The following ADAM32 variants were observed in gnomAD, a reference collection of about 807,000 sequenced individuals.
The protein encoded by ADAM32 is disintegrin and metalloproteinase domain-containing protein 32.
Under a neutral mutation model 114.9 loss-of-function variants are expected in ADAM32, and 89 were observed. That is an observed-to-expected ratio of 0.77 (90% confidence interval 0.65 to 0.92). ADAM32 has a LOEUF of 0.92. ADAM32 is among the 40% of genes least tolerant of loss of function. The pLI, the probability that ADAM32 is intolerant of heterozygous loss-of-function variation, is 0.00. For synonymous variants in ADAM32, 285 were observed against 307.5 expected, an observed-to-expected ratio of 0.93 and a Z score of 0.77; for missense variants, 870 against 932.8, an observed-to-expected ratio of 0.93 and a Z score of 0.88.
At chr8:39,204,880 G>C (rs556749183) in intron 11 of ADAM32, among the ~76,000 whole-genome samples, 46 of 152,344 alleles carry the variant, frequency 3.0e-4, no homozygotes, top group African/African-American at 1.1e-3. Flanking sequence ...GTTGGAGTTT[G>C]CTGGAGGTCC....
At chr8:39,222,079 A>T (rs1476022445) in intron 13 of ADAM32, among the ~76,000 whole-genome samples, 1 of 152,058 alleles carries the variant, frequency 6.6e-6, no homozygotes, top group African/African-American at 2.4e-5. Flanking sequence ...GATATAGCAG[A>T]TTTCCTTAAA....
intron 22 of ADAM32, among the ~76,000 whole-genome samples, 155 bp from the exon 23 acceptor site, chr8:39,280,981 A>G (rs6987758): frequency 0.014 from 2,174 of 151,908 alleles, 42 homozygotes; most frequent in African/African-American, 0.049. Flanking sequence ...ACGGGGTTTC[A>G]TCGTATTAGC....
chr8:39,186,038 C>T (rs975369207), intron 10 of ADAM32, among the ~76,000 whole-genome samples: 4 of 152,196 alleles, frequency 2.6e-5, no homozygotes, highest in African/African-American at 9.6e-5. Context: ...GCTTGGTCCT[C>T]AGCCATGTCA....
chr8:39,262,174 T>A (rs188002308), intron 19 of ADAM32, among the ~76,000 whole-genome samples: 2 of 152,246 alleles, frequency 1.3e-5, no homozygotes, highest in East Asian at 3.9e-4. Flanking sequence ...TTATTTTGAA[T>A]TTTATATGTA....
chr8:39,153,923 C>A (rs569486432), intron 6 of ADAM32, among the ~76,000 whole-genome samples: 2 of 151,900 alleles, frequency 1.3e-5, no homozygotes, highest in Non-Finnish European at 2.9e-5. Context: ...TGGAAAGTGG[C>A]ATGATCTGGA....
chr8:39,188,071 G>A (rs1181279108), intron 11 of ADAM32, among the ~76,000 whole-genome samples: 1 of 147,998 alleles, frequency 6.8e-6, no homozygotes, highest in Non-Finnish European at 1.5e-5. Flanking sequence ...GTGAAAATAA[G>A]ACATTAAATT....
At chr8:39,272,440 A>G (rs1812793847) in intron 20 of ADAM32, among the ~76,000 whole-genome samples, 1 of 152,178 alleles carries the variant, frequency 6.6e-6, no homozygotes, top group African/African-American at 2.4e-5. Context: ...AAAAAAACCT[A>G]GATTGTATAG....
chr8:39,155,866 C>T (rs1804113543), intron 6 of ADAM32, among the ~76,000 whole-genome samples: 3 of 151,626 alleles, frequency 2.0e-5, no homozygotes, highest in African/African-American at 7.3e-5. Flanking sequence ...TTAGTGGTTA[C>T]TCTGGATATT....
chr8:39,216,892 A>AAAGTGTTATAATAATG (rs1808606754), intron 12 of ADAM32, among the ~76,000 whole-genome samples: 1 of 152,040 alleles, frequency 6.6e-6, no homozygotes, highest in African/African-American at 2.4e-5. Context: ...CACCCCAGTT[A>AAAGTGTTATAATAATG]AAGTGTTATA....
chr8:39,145,587 G>A (rs972211705), intron 3 of ADAM32, among the ~76,000 whole-genome samples: 2 of 152,168 alleles, frequency 1.3e-5, no homozygotes, highest in Admixed American at 6.5e-5. Flanking sequence ...AACGTAGAAA[G>A]ACAGGAGAAC....
At chr8:39,278,430 G>C (rs894965110) in intron 22 of ADAM32, among the ~76,000 whole-genome samples, 3 of 152,120 alleles carry the variant, frequency 2.0e-5, no homozygotes, top group African/African-American at 7.2e-5. Flanking sequence ...TCTGCCACCT[G>C]TTCCCATCAC....
intron 2 of ADAM32, among the ~76,000 whole-genome samples, chr8:39,136,256 G>A (rs1290921799): frequency 6.6e-6 from 1 of 152,170 alleles, no homozygotes; most frequent in Non-Finnish European, 1.5e-5. Context: ...TACATCTTAG[G>A]AGGGTTTTTA....
At chr8:39,139,076 C>A (rs1216462017) in intron 3 of ADAM32, among the ~76,000 whole-genome samples, 1 of 152,088 alleles carries the variant, frequency 6.6e-6, no homozygotes, top group African/African-American at 2.4e-5. Context: ...TGGATATTAG[C>A]CCTTTGTCAG....
rs1027999758 is a variant in ADAM32, at chr8:39,141,315, T to C, written c.200+4597T>C. Among the ~76,000 whole-genome samples, 5 of 152,228 alleles carry C rather than the reference T, an allele frequency of 3.3e-5. 1 individual carries two copies. Among genetic ancestry groups the C allele is most frequent in the African/African-American group, 1.2e-4 (5 of 41,454 alleles). ...AATTTTAGGTCTTTCCTGCTTTCTT[T>C]TGTGGGCATTTAGTGCTATAAATTT... is the stretch of plus-strand genomic sequence containing the variant. On this transcript the variant is annotated intron_variant, in intron 3 of 24. Coordinates refer to ENST00000379907, the MANE Select transcript of ADAM32 (RefSeq NM_145004.7).
At chr8:39,261,027 T>G (rs1172442452) in intron 19 of ADAM32, among the ~76,000 whole-genome samples, 1 of 152,152 alleles carries the variant, frequency 6.6e-6, no homozygotes, top group East Asian at 1.9e-4. Context: ...ATCAAGGTAA[T>G]TAGCAGATAT....
chr8:39,123,724 TG>T, intron 2 of ADAM32, among the ~76,000 whole-genome samples: 1 of 151,046 alleles, frequency 6.6e-6, no homozygotes, highest in South Asian at 2.1e-4. Flanking sequence ...TTTTTTTGTT[TG>T]AGTTGGAGTC....
At chr8:39,138,544 A>T (rs1380292033) in intron 3 of ADAM32, among the ~76,000 whole-genome samples, 1 of 152,124 alleles carries the variant, frequency 6.6e-6, no homozygotes, top group Non-Finnish European at 1.5e-5. Flanking sequence ...TGGTGTATAT[A>T]TGCCATATTT....
At chr8:39,111,119 C>T (rs1174912026) in intron 1 of ADAM32, among the ~76,000 whole-genome samples, 1 of 152,122 alleles carries the variant, frequency 6.6e-6, no homozygotes, top group African/African-American at 2.4e-5. Context: ...TATATATTCA[C>T]CCGTTTGTTT....
Position 39,170,095 on chromosome 8 carries a change from T to G in ADAM32, c.915+98T>G, listed in dbSNP as rs1159432709. ...GTACAATTTATGTGCATGTTTCCAT[T>G]TACAGATTGCATTTTTTTCCATTAC... On this transcript the variant is annotated intron_variant, in intron 10 of 24. Coordinates refer to ENST00000379907, the MANE Select transcript of ADAM32 (RefSeq NM_145004.7). The G allele has an allele frequency of 5.2e-5, 48 of 916,384 alleles. 1 individual carries two copies. Among genetic ancestry groups the G allele is most frequent in the Non-Finnish European group, 4.7e-5 (30 of 639,190 alleles). 56.8% of individuals were successfully genotyped at this position (916,384 alleles called of 1,614,324 possible).
Sources: gnomAD v4.1 joint callset for allele counts (sites outside exome capture counted in the v4.1 genomes callset) on GRCh38, gnomAD v4.1.1 for gene constraint, MANE v1.5 for transcripts, NCBI Gene and HGNC (gene_info 2026-07-23, HGNC 2026-07-21) for gene names.